KRABD5: variants seen among roughly 807,000 people sequenced by gnomAD.
KRABD5 encodes KRAB domain-containing protein 5.
chr16:31,718,027 A>G, the KRABD5 span, among the ~76,000 whole-genome samples: 494 of 152,262 alleles, frequency 3.2e-3, 2 homozygotes, highest in African/African-American at 0.011. Context: ...TTCAGAGACC[A>G]TGGGGGCTGG....
chr16:31,735,912 G>T, the KRABD5 span, among the ~76,000 whole-genome samples: 1 of 152,088 alleles, frequency 6.6e-6, no homozygotes, highest in African/African-American at 2.4e-5. Context: ...AGTCTTTTAG[G>T]TTGATGTAAT....
At chr16:31,715,883 A>T in the KRABD5 span, among the ~76,000 whole-genome samples, 1 of 152,178 alleles carries the variant, frequency 6.6e-6, no homozygotes, top group Non-Finnish European at 1.5e-5. Context: ...CTGCACACAG[A>T]CTGTCACCCT....
At chr16:31,730,667 T>C in the KRABD5 span, among the ~76,000 whole-genome samples, 1 of 152,096 alleles carries the variant, frequency 6.6e-6, no homozygotes, top group East Asian at 1.9e-4. Context: ...CTTCTGAAAA[T>C]CCTAAAATAT....
At chr16:31,732,690 T>G in the KRABD5 span, among the ~76,000 whole-genome samples, 1 of 152,186 alleles carries the variant, frequency 6.6e-6, no homozygotes, top group Non-Finnish European at 1.5e-5. Flanking sequence ...ATTATAGCCA[T>G]TATATTTTAT....
the KRABD5 span, chr16:31,759,226 C>A: frequency 2.0e-6 from 2 of 1,003,964 alleles, no homozygotes; most frequent in Non-Finnish European, 2.8e-6. Context: ...AATTGTATAG[C>A]TTTTAGAACA....
the KRABD5 span, among the ~76,000 whole-genome samples, chr16:31,734,702 TA>T: frequency 2.6e-5 from 4 of 152,100 alleles, no homozygotes; most frequent in Non-Finnish European, 5.9e-5. Flanking sequence ...CAGTCTCTGG[TA>T]ACCACTGTTA....
the KRABD5 span, among the ~76,000 whole-genome samples, chr16:31,716,526 C>G: frequency 1.3e-5 from 2 of 152,112 alleles, no homozygotes; most frequent in Non-Finnish European, 2.9e-5. Context: ...AGGCATGTGC[C>G]CCCCACACCT....
the KRABD5 span, chr16:31,713,627 C>T: frequency 1.4e-6 from 1 of 737,878 alleles, no homozygotes; most frequent in Admixed American, 3.1e-5. Context: ...CCCCTCCCGA[C>T]CCCGCAGAGC....
chr16:31,756,906 G>C, the KRABD5 span: 1 of 152,238 alleles, frequency 6.6e-6, no homozygotes, highest in African/African-American at 2.4e-5. Context: ...GAAAATGATG[G>C]ATCACAACAG....
the KRABD5 span, among the ~76,000 whole-genome samples, chr16:31,729,293 T>TA: frequency 6.6e-6 from 1 of 152,248 alleles, no homozygotes; most frequent in Non-Finnish European, 1.5e-5. Context: ...GGGTATTTTA[T>TA]AATGAAATGG....
the KRABD5 span, among the ~76,000 whole-genome samples, chr16:31,752,392 T>C: frequency 4.6e-5 from 7 of 152,304 alleles, no homozygotes; most frequent in East Asian, 1.2e-3. Context: ...ACCTCACTGT[T>C]ATTATGTGAC....
At chr16:31,740,342 A>G in the KRABD5 span, among the ~76,000 whole-genome samples, 3 of 152,158 alleles carry the variant, frequency 2.0e-5, no homozygotes, top group Admixed American at 6.5e-5. Flanking sequence ...TTTCTGCTAG[A>G]TCAAGTCTGC....
the KRABD5 span, among the ~76,000 whole-genome samples, chr16:31,718,172 C>A: frequency 6.6e-6 from 1 of 152,150 alleles, no homozygotes; most frequent in African/African-American, 2.4e-5. Context: ...AAATCTGTAG[C>A]TCCAAATGTT....
chr16:31,760,023 G>A, the KRABD5 span: 1 of 120,466 alleles, frequency 8.3e-6, no homozygotes, highest in African/African-American at 3.2e-5. Flanking sequence ...AATCTCATGG[G>A]CACCTCTTGG....
At chr16:31,716,664 G>A in the KRABD5 span, among the ~76,000 whole-genome samples, 12 of 152,244 alleles carry the variant, frequency 7.9e-5, no homozygotes, top group African/African-American at 2.6e-4. Flanking sequence ...ACAGGCGTGA[G>A]CCACCATGCC....
the KRABD5 span, among the ~76,000 whole-genome samples, chr16:31,729,945 G>A: frequency 1.3e-5 from 2 of 151,698 alleles, no homozygotes; most frequent in Non-Finnish European, 2.9e-5. Flanking sequence ...TACTATATAT[G>A]TCACATTTTA....
chr16:31,743,842 C>T, the KRABD5 span, among the ~76,000 whole-genome samples: 1 of 152,076 alleles, frequency 6.6e-6, no homozygotes, highest in East Asian at 1.9e-4. Context: ...CTTCACATCC[C>T]TTATTAGCTG....
At chr16:31,734,125 TTA>T in the KRABD5 span, among the ~76,000 whole-genome samples, 5 of 152,252 alleles carry the variant, frequency 3.3e-5, no homozygotes, top group African/African-American at 7.2e-5. Flanking sequence ...CGGAGTACAA[TTA>T]TATATATGTG....
the KRABD5 span, among the ~76,000 whole-genome samples, chr16:31,721,936 A>G: frequency 0.61 from 92,584 of 152,174 alleles, 29,191 homozygotes; most frequent in Middle Eastern, 0.73. Flanking sequence ...GCTGAACACA[A>G]TAAAATTTCA....
Sources: gnomAD v4.1 joint callset for allele counts (sites outside exome capture counted in the v4.1 genomes callset) on GRCh38, gnomAD v4.1.1 for gene constraint, MANE v1.5 for transcripts, NCBI Gene and HGNC (gene_info 2026-07-23, HGNC 2026-07-21) for gene names.